The following ERG variants were observed in gnomAD, a reference collection of about 807,000 sequenced individuals.
The protein encoded by ERG is transcriptional regulator ERG.
A neutral mutation model predicts 55.3 loss-of-function variants in ERG; 9 were observed. That is an observed-to-expected ratio of 0.16 (90% confidence interval 0.10 to 0.28). ERG has a LOEUF of 0.28. Ranked by LOEUF, ERG falls within the 10% of genes least tolerant of loss-of-function variation. The pLI is 1.00. For missense variants in ERG, 434 were observed against 631.6 expected (o/e 0.69, Z 3.35); for synonymous variants, 223 against 237.3 (o/e 0.94, Z 0.55).
intron 2 of ERG, among the ~76,000 whole-genome samples, chr21:38,562,803 A>T (rs1396369113): frequency 6.6e-6 from 1 of 152,086 alleles, no homozygotes; most frequent in African/African-American, 2.4e-5. Context: ...CAGGACCGAG[A>T]GTGTGGGAGG....
chr21:38,446,934 C>A, intron 1 of ERG, among the ~76,000 whole-genome samples: 1 of 151,992 alleles, frequency 6.6e-6, no homozygotes, highest in Admixed American at 6.6e-5. Context: ...ACATTTTTTT[C>A]CTTTGGGACA....
chr21:38,494,674 T>A (rs2059365412), intron 1 of ERG, among the ~76,000 whole-genome samples: 1 of 152,242 alleles, frequency 6.6e-6, no homozygotes, highest in African/African-American at 2.4e-5. Flanking sequence ...CGTAGATAAT[T>A]AAGAAATGGT....
Position 38,382,720 on chromosome 21 carries a change from C to T in ERG, c.*683G>A. The T allele has an allele frequency of 9.4e-7, 1 of 1,066,744 alleles. No individual in the cohort carries two copies. The highest frequency in any genetic ancestry group is 1.1e-6 in the Non-Finnish European group (1 of 879,890). The allele number at this position is 1,066,744 out of a possible 1,614,324, so 66.1% of individuals were successfully genotyped here. ...TTCTTCACCCCTCTGTCTACAATCA[C>T]ACGCTCACTCTATACACATCCTCAG... On this transcript the variant is annotated 3_prime_UTR_variant, in exon 10 of 10. Coordinates refer to ENST00000288319, the MANE Select transcript of ERG (RefSeq NM_182918.4).
chr21:38,545,034 C>T (rs928757879), intron 2 of ERG, among the ~76,000 whole-genome samples: 1 of 152,146 alleles, frequency 6.6e-6, no homozygotes, highest in Admixed American at 6.5e-5. Flanking sequence ...AAAAAGCATG[C>T]GGCTAATACT....
intron 1 of ERG, among the ~76,000 whole-genome samples, chr21:38,611,166 C>A (rs1372356006): frequency 2.0e-5 from 3 of 152,234 alleles, no homozygotes; most frequent in Non-Finnish European, 2.9e-5. Flanking sequence ...TCACCGCCCA[C>A]CTCCCCACCT....
intron 1 of ERG, among the ~76,000 whole-genome samples, chr21:38,598,949 G>A (rs1040896185): frequency 2.6e-5 from 4 of 152,152 alleles, no homozygotes; most frequent in Non-Finnish European, 4.4e-5. Flanking sequence ...TCCACCCCAG[G>A]GAAAGAAAGG....
intron 1 of ERG, among the ~76,000 whole-genome samples, chr21:38,646,457 C>G (rs1488289514): frequency 6.6e-6 from 1 of 152,148 alleles, no homozygotes; most frequent in Non-Finnish European, 1.5e-5. Context: ...GAGACTCAAA[C>G]AGAATGTTAG....
intron 1 of ERG, among the ~76,000 whole-genome samples, chr21:38,484,545 C>T (rs1190111878): frequency 6.6e-6 from 1 of 152,212 alleles, no homozygotes; most frequent in African/African-American, 2.4e-5. Flanking sequence ...TCTGGGCTCA[C>T]AAAAATGCAG....
In ERG at chr21:38,578,735, C is replaced by T. The variant is rs150844773; in HGVS notation, c.-126-2988G>A. On this transcript the variant is annotated intron_variant, in intron 1 of 8. Transcript: ENST00000398897. ...ATGGGAGGGAGGCAACCAGACCAGC[C>T]GCTAGCCAAGTCCAACCAGAATGGC... 5.9e-4 allele frequency among the ~76,000 whole-genome samples: 90 copies of T among 152,180 alleles called. No homozygotes were observed. In the East Asian group the frequency reaches 0.011, roughly 19 times the overall value.
At chr21:38,367,672 T>G in the ERG span, 9 of 508,088 alleles carry the variant, frequency 1.8e-5, no homozygotes, top group East Asian at 4.0e-4. Flanking sequence ...GTGGGGAAAT[T>G]AAGCTCCACT....
At chr21:38,493,377 G>A (rs1175293167) in intron 1 of ERG, among the ~76,000 whole-genome samples, 3 of 152,190 alleles carry the variant, frequency 2.0e-5, no homozygotes, top group Non-Finnish European at 4.4e-5. Flanking sequence ...GAGAAGAGCA[G>A]GACAGGTAGG....
At chr21:38,478,138 A>G (rs1601101267) in intron 1 of ERG, among the ~76,000 whole-genome samples, 1 of 152,262 alleles carries the variant, frequency 6.6e-6, no homozygotes, top group South Asian at 2.1e-4. Context: ...GCTGGACTCC[A>G]GACCGGCCCC....
At chr21:38,589,104 G>A (rs550643883), upstream of ERG, among the ~76,000 whole-genome samples, 3 of 152,238 alleles carry the variant, frequency 2.0e-5, no homozygotes, top group South Asian at 6.2e-4. Context: ...CATTCTCTAC[G>A]CACAGATCTC....
At chr21:38,432,241 C>T (rs1005089723) in intron 2 of ERG, among the ~76,000 whole-genome samples, 3 of 151,976 alleles carry the variant, frequency 2.0e-5, no homozygotes, top group African/African-American at 7.2e-5. Context: ...ACTACAGGCA[C>T]GTGCCACCAC....
chr21:38,580,968 C>T (rs919841022), intron 1 of ERG, among the ~76,000 whole-genome samples: 8 of 152,200 alleles, frequency 5.3e-5, no homozygotes, highest in East Asian at 1.9e-4. Flanking sequence ...CATATAGTCA[C>T]GTGGACATCC....
At chr21:38,370,604 G>A in the ERG span, among the ~76,000 whole-genome samples, 1 of 151,712 alleles carries the variant, frequency 6.6e-6, no homozygotes, top group African/African-American at 2.4e-5. Context: ...TTTTACATGT[G>A]GTATTATGTA....
chr21:38,482,337 A>T (rs62219571), intron 1 of ERG, among the ~76,000 whole-genome samples: 18,254 of 152,264 alleles, frequency 0.12, 1,230 homozygotes, highest in East Asian at 0.26. Flanking sequence ...GCCTGTTCAG[A>T]TGGCTATGGT....
intron 2 of ERG, among the ~76,000 whole-genome samples, chr21:38,542,845 T>C (rs1240872096): frequency 2.0e-5 from 3 of 152,230 alleles, no homozygotes; most frequent in Non-Finnish European, 2.9e-5. Flanking sequence ...ATAAGCAATG[T>C]CCTGTGGTTG....
chr21:38,605,247 C>T (rs1259059824), intron 1 of ERG, among the ~76,000 whole-genome samples: 1 of 152,118 alleles, frequency 6.6e-6, no homozygotes, highest in East Asian at 1.9e-4. Flanking sequence ...GCACAGTAAC[C>T]ATTGTCACGG....
Sources: gnomAD v4.1 joint callset for allele counts (sites outside exome capture counted in the v4.1 genomes callset) on GRCh38, gnomAD v4.1.1 for gene constraint, MANE v1.5 for transcripts, NCBI Gene and HGNC (gene_info 2026-07-23, HGNC 2026-07-21) for gene names.